The following ADAMTS3 variants were observed in gnomAD, a reference collection of about 807,000 sequenced individuals.
The protein encoded by ADAMTS3 is A disintegrin and metalloproteinase with thrombospondin motifs 3.
In ADAMTS3, 73 loss-of-function variants were observed where a neutral mutation model predicts 129.0. The observed-to-expected ratio is 0.57, with a 90% CI of 0.47 to 0.69. ADAMTS3 has a LOEUF of 0.69. Ranked by LOEUF, ADAMTS3 falls within the 30% of genes least tolerant of loss-of-function variation. ADAMTS3 has a pLI of 0.00. For missense variants in ADAMTS3, 1,457 were observed against 1,514.5 expected (o/e 0.96, Z 0.63); for synonymous variants, 477 against 510.8 (o/e 0.93, Z 0.89).
intron 3 of ADAMTS3, among the ~76,000 whole-genome samples, chr4:72,531,608 G>T (rs1721043818): frequency 3.9e-5 from 6 of 152,142 alleles, no homozygotes; most frequent in Admixed American, 3.9e-4. Flanking sequence ...TGGTCCTCAG[G>T]CTGTTGAAGC....
intron 4 of ADAMTS3, among the ~76,000 whole-genome samples, chr4:72,412,680 G>C (rs920607950): frequency 6.6e-6 from 1 of 151,944 alleles, no homozygotes; most frequent in Non-Finnish European, 1.5e-5. Context: ...CGTTTATCAT[G>C]GAACATTTTA....
At chr4:72,561,497 C>G (rs993838685) in intron 2 of ADAMTS3, among the ~76,000 whole-genome samples, 2 of 151,546 alleles carry the variant, frequency 1.3e-5, no homozygotes, top group African/African-American at 4.8e-5. Flanking sequence ...AGAGCGAGAC[C>G]CTGTCTCAAA....
intron 3 of ADAMTS3, among the ~76,000 whole-genome samples, chr4:72,534,474 TA>T (rs1369987775): frequency 6.6e-6 from 1 of 152,230 alleles, no homozygotes; most frequent in Non-Finnish European, 1.5e-5. Context: ...CATTGTTTCA[TA>T]AGACTGGACA....
Position 72,381,222 on chromosome 4 carries a change from T to C in ADAMTS3, c.661+33593A>G, listed in dbSNP as rs1025695228. ...AAATCACAGCAAAACCTATGTGCAT[T>C]TAATAGTATAGTAAAAAGGGCAAGT... On this transcript the variant is annotated intron_variant, in intron 4 of 21. Transcript: ENST00000286657. Among the ~76,000 whole-genome samples, 11 of 152,214 alleles carry C rather than the reference T, an allele frequency of 7.2e-5. No homozygotes were observed. The East Asian group carries it at 2.1e-3, about 29-fold the overall frequency.
rs1407395229 is a variant in ADAMTS3 at position 72,478,947 on chromosome 4, C to T, written c.505-63976G>A. On this transcript the variant is annotated intron_variant, in intron 3 of 21. Transcript: ENST00000286657. ...ATGAGTGAACTCCCATTCACAATTGCTTCAAAGAGAATAAAATACTTAGGA... is the reference window on the plus strand; with the variant it reads ...ATGAGTGAACTCCCATTCACAATTGTTTCAAAGAGAATAAAATACTTAGGA... Among the ~76,000 whole-genome samples the T allele has an allele frequency of 2.4e-4, 37 of 151,984 alleles. 1 individual carries two copies. The highest frequency in any genetic ancestry group is 2.4e-3 in the Admixed American group (37 of 15,260).
At chr4:72,493,399 T>G (rs1719796138) in intron 3 of ADAMTS3, among the ~76,000 whole-genome samples, 1 of 152,002 alleles carries the variant, frequency 6.6e-6, no homozygotes, top group South Asian at 2.1e-4. Flanking sequence ...ACGCTTTTTC[T>G]TTGTGGTTAG....
intron 3 of ADAMTS3, among the ~76,000 whole-genome samples, chr4:72,428,222 C>T (rs1722617084): frequency 6.6e-6 from 1 of 151,952 alleles, no homozygotes; most frequent in East Asian, 1.9e-4. Flanking sequence ...TCTTAATAAT[C>T]TCTAGTAAAA....
At chr4:72,502,796 T>C (rs1015229567) in intron 3 of ADAMTS3, among the ~76,000 whole-genome samples, 9 of 152,194 alleles carry the variant, frequency 5.9e-5, no homozygotes, top group African/African-American at 2.2e-4. Flanking sequence ...GGTATACACT[T>C]GCCATTGAGG....
rs796155600 is a variant in ADAMTS3, at chr4:72,348,741, C to A, written c.662-9048G>T. On this transcript the variant is annotated intron_variant, in intron 4 of 21. Coordinates refer to ENST00000286657, the MANE Select transcript of ADAMTS3 (RefSeq NM_014243.3). ...CAGGAGGAAGTTTGATGTACCATTG[C>A]TGGCTCTGGAGATGGATGGATTCTG... 1.3e-4 allele frequency among the ~76,000 whole-genome samples: 20 copies of A among 151,732 alleles called. 1 individual carries two copies. The highest frequency in any genetic ancestry group is 4.6e-4 in the African/African-American group (19 of 41,412).
At chr4:72,325,861 G>C (rs984691506) in intron 5 of ADAMTS3, among the ~76,000 whole-genome samples, 16 of 152,198 alleles carry the variant, frequency 1.1e-4, no homozygotes, top group African/African-American at 3.4e-4. Context: ...TGATATTTGA[G>C]TTAGTATAAA....
intron 5 of ADAMTS3, among the ~76,000 whole-genome samples, chr4:72,327,089 A>G (rs1050783421): frequency 1.3e-5 from 2 of 152,106 alleles, no homozygotes; most frequent in Non-Finnish European, 2.9e-5. Flanking sequence ...TACTCATTTG[A>G]CTCTTAAAAG....
intron 2 of ADAMTS3, among the ~76,000 whole-genome samples, chr4:72,559,636 T>A (rs10805051): frequency 0.96 from 145,546 of 151,102 alleles, 70,494 homozygotes; most frequent in East Asian, 1. Context: ...AAAGTTTTTT[T>A]AAAAAAAGAA....
At chr4:72,568,546 C>T in intron 1 of ADAMTS3, 148 bp downstream of exon 1, 1 of 680,456 alleles carries the variant, frequency 1.5e-6, no homozygotes, top group Non-Finnish European at 2.5e-6. Flanking sequence ...ACGCTGCGCC[C>T]AGCCCTCAAA....
At chr4:72,499,912 C>T (rs1388165778) in intron 3 of ADAMTS3, among the ~76,000 whole-genome samples, 1 of 152,034 alleles carries the variant, frequency 6.6e-6, no homozygotes, top group Non-Finnish European at 1.5e-5. Context: ...TTGTTTAGAA[C>T]AATGGCCTCC....
At chr4:72,443,955 AT>A (rs1718185358) in intron 3 of ADAMTS3, among the ~76,000 whole-genome samples, 2 of 151,728 alleles carry the variant, frequency 1.3e-5, no homozygotes, top group South Asian at 4.2e-4. Flanking sequence ...ACAAAGTCAT[AT>A]ATTTATGGGG....
intron 4 of ADAMTS3, among the ~76,000 whole-genome samples, chr4:72,381,886 G>A (rs936206468): frequency 3.9e-5 from 6 of 152,188 alleles, no homozygotes; most frequent in African/African-American, 1.4e-4. Flanking sequence ...TGAAAGAAAA[G>A]TTGGGATAGA....
chr4:72,462,635 T>A (rs890643557), intron 3 of ADAMTS3, among the ~76,000 whole-genome samples: 1 of 151,980 alleles, frequency 6.6e-6, no homozygotes, highest in Non-Finnish European at 1.5e-5. Context: ...TAGTGACGTC[T>A]TAATGATCCT....
At chr4:72,462,739 T>C (rs1263170939) in intron 3 of ADAMTS3, among the ~76,000 whole-genome samples, 1 of 151,832 alleles carries the variant, frequency 6.6e-6, no homozygotes, top group East Asian at 1.9e-4. Flanking sequence ...ATAGAAAATA[T>C]AGAATAGAAT....
In ADAMTS3 at chr4:72,339,482, G is replaced by C. The variant is rs770821181; in HGVS notation, c.861+12C>G. 2.6e-5 allele frequency: 42 copies of C among 1,612,792 alleles called. No individual in the cohort carries two copies. The East Asian group carries it at 9.1e-4, about 35-fold the overall frequency. On this transcript the variant is annotated intron_variant, in intron 5 of 21. Coordinates refer to ENST00000286657, the MANE Select transcript of ADAMTS3 (RefSeq NM_014243.3). ...AAAGATCAAAAAGCTTTAAAAAGGA[G>C]TCACTACTCACAATGTTCATTAGGG...
Sources: gnomAD v4.1 joint callset for allele counts (sites outside exome capture counted in the v4.1 genomes callset) on GRCh38, gnomAD v4.1.1 for gene constraint, MANE v1.5 for transcripts, NCBI Gene and HGNC (gene_info 2026-07-23, HGNC 2026-07-21) for gene names.